Variants in MGAM2 observed in about 807,000 individuals in gnomAD.
The protein encoded by MGAM2 is probable maltase-glucoamylase 2.
MGAM2 carries 98 observed loss-of-function variants against 96.1 expected under a neutral mutation model. The ratio of observed to expected loss-of-function variants is 1.02; its 90% CI spans 0.87 to 1.21. The LOEUF (loss-of-function observed/expected upper bound fraction) is 1.21. Ranked by LOEUF, MGAM2 falls within the 50% of genes most tolerant of loss-of-function variation. The probability of loss-of-function intolerance (pLI) is 0.00; values close to 1 mark genes in which losing one functional copy is unlikely to be tolerated. For synonymous variants in MGAM2, 749 were observed against 414.8 expected, an observed-to-expected ratio of 1.81 and a Z score of -9.79; for missense variants, 2,055 against 1,182.4, an observed-to-expected ratio of 1.74 and a Z score of -10.82.
chr7:142,180,347 G>T (rs1312283394), intron 32 of MGAM2, among the ~76,000 whole-genome samples: 1 of 152,028 alleles, frequency 6.6e-6, no homozygotes. Flanking sequence ...TCTCAATTTT[G>T]TTTAGCTCTG....
At chr7:142,183,998 A>G (rs549707061) in intron 33 of MGAM2, among the ~76,000 whole-genome samples, 3 of 78,392 alleles carry the variant, frequency 3.8e-5, no homozygotes, top group African/African-American at 1.4e-4. Context: ...TTTGAGATGG[A>G]GTGTCACTCT....
intron 35 of MGAM2, among the ~76,000 whole-genome samples, chr7:142,186,995 T>TG (rs1796721649): frequency 1.3e-5 from 2 of 151,938 alleles, no homozygotes; most frequent in Non-Finnish European, 2.9e-5. Context: ...AAGCTGTAGC[T>TG]GGGTAATTCA....
intron 1 of MGAM2, among the ~76,000 whole-genome samples, chr7:142,114,198 GA>G (rs1181425773): frequency 7.2e-6 from 1 of 138,726 alleles, no homozygotes; most frequent in East Asian, 2.1e-4. Context: ...AAGAAAGAAA[GA>G]AAGAAAGAAA....
At chr7:142,198,115 T>A (rs759467389) in intron 42 of MGAM2, 24 bp from the exon 43 acceptor site, 1 of 700,368 alleles carries the variant, frequency 1.4e-6, no homozygotes, top group East Asian at 2.7e-5. Flanking sequence ...ATATTCATAA[T>A]GACATGTCAA....
intron 15 of MGAM2, among the ~76,000 whole-genome samples, chr7:142,153,389 C>T (rs571698633): frequency 6.6e-6 from 1 of 152,270 alleles, no homozygotes; most frequent in Non-Finnish European, 1.5e-5. Flanking sequence ...TTGTTTTTAA[C>T]TTTATAGAAA....
chr7:142,177,786 T>C (rs1254310720), intron 32 of MGAM2, among the ~76,000 whole-genome samples: 1 of 152,224 alleles, frequency 6.6e-6, no homozygotes, highest in Non-Finnish European at 1.5e-5. Context: ...GGCTCCTGGG[T>C]TGACTTCACA....
chr7:142,219,203 C>G (rs1175098140), intron 47 of MGAM2, among the ~76,000 whole-genome samples: 1 of 151,978 alleles, frequency 6.6e-6, no homozygotes, highest in African/African-American at 2.4e-5. Flanking sequence ...AACCAGCAAC[C>G]CAAAAGGGAT....
intron 15 of MGAM2, among the ~76,000 whole-genome samples, chr7:142,152,250 A>G (rs751031647): frequency 1.6e-4 from 24 of 151,710 alleles, no homozygotes; most frequent in Non-Finnish European, 3.1e-4. Context: ...CTGGAACCAC[A>G]GATATCTTCA....
At chr7:142,153,278 G>T (rs920087402) in intron 15 of MGAM2, among the ~76,000 whole-genome samples, 1 of 152,122 alleles carries the variant, frequency 6.6e-6, no homozygotes, top group Non-Finnish European at 1.5e-5. Context: ...GGGATTATAG[G>T]CGTGAGCCAC....
chr7:142,168,362 C>T (rs545969863), intron 26 of MGAM2, among the ~76,000 whole-genome samples: 43 of 151,870 alleles, frequency 2.8e-4, no homozygotes, highest in Non-Finnish European at 2.9e-4. Flanking sequence ...CTCTGCCTCC[C>T]GAGTTCAAGC....
intron 7 of MGAM2, 120 bp from the exon 8 acceptor site, chr7:142,136,421 G>T: frequency 2.2e-6 from 1 of 452,804 alleles, no homozygotes; most frequent in Non-Finnish European, 3.9e-6. Context: ...TTGATACAAT[G>T]TTAAACTACA....
rs1797910306 is a variant in MGAM2 at position 142,221,013 on chromosome 7, A to G, written c.6502A>G (p.Ser2168Gly). Reference sequence around the variant, plus strand: ...TAATATAACTGCTACCTCTCATACAAGTACTGATGATACTGTTCCTAATAA... The same window carrying G: ...TAATATAACTGCTACCTCTCATACAGGTACTGATGATACTGTTCCTAATAA... ...VANITATSHTSTDDTVPNNTV... is the reference protein window; with the variant it reads ...VANITATSHTGTDDTVPNNTV... The change falls in exon 48 of 48, where the codon AGT becomes GGT. Residue 2168 changes from serine to glycine, a missense_variant. Physicochemically the swap from Ser to Gly is moderately conservative, Grantham distance 56. Transcript: ENST00000477922. The G allele has an allele frequency of 1.4e-6, 1 of 702,272 alleles. No homozygotes were observed. Among genetic ancestry groups the G allele is most frequent in the African/African-American group, 1.7e-5 (1 of 57,182 alleles). The allele number at this position is 702,272 out of a possible 1,614,324, so 43.5% of individuals were successfully genotyped here.
intron 46 of MGAM2, among the ~76,000 whole-genome samples, chr7:142,214,372 C>G (rs1292491434): frequency 2.0e-5 from 3 of 152,164 alleles, no homozygotes; most frequent in African/African-American, 7.2e-5. Context: ...CAAATTATCT[C>G]TATTTGCAGA....
intron 7 of MGAM2, among the ~76,000 whole-genome samples, chr7:142,134,427 C>G (rs2129078479): frequency 6.6e-6 from 1 of 152,114 alleles, no homozygotes; most frequent in South Asian, 2.1e-4. Flanking sequence ...TATATTAGAA[C>G]CTAGTATATA....
intron 45 of MGAM2, among the ~76,000 whole-genome samples, chr7:142,202,371 A>T (rs1417274941): frequency 6.6e-6 from 1 of 152,132 alleles, no homozygotes; most frequent in Non-Finnish European, 1.5e-5. Flanking sequence ...TGTTGCATGG[A>T]TGTATTGTAT....
chr7:142,174,733 T>TTTTTTTTTTTTTTTTA lies in MGAM2; in HGVS notation c.3688-919_3688-918insTTTTTTTTTTTTTTTA, dbSNP rs1554509447. On this transcript the variant is annotated intron_variant, in intron 31 of 47. Transcript: ENST00000477922. ...TCTCTCTCTTTTTTTTTTTTTTTTT[T>TTTTTTTTTTTTTTTTA]GAGTTGGAGTCTCCCTCTGCTGCCC... Among the ~76,000 whole-genome samples the TTTTTTTTTTTTTTTTA allele has an allele frequency of 1.4e-5, 2 of 143,624 alleles. 1 individual carries two copies. Among genetic ancestry groups the TTTTTTTTTTTTTTTTA allele is most frequent in the Non-Finnish European group, 3.0e-5 (2 of 66,334 alleles). The allele number at this position is 143,624 out of a possible 152,430, so 94.2% of individuals were successfully genotyped here.
intron 46 of MGAM2, among the ~76,000 whole-genome samples, chr7:142,214,235 T>C (rs1361535145): frequency 6.6e-6 from 1 of 152,216 alleles, no homozygotes; most frequent in Non-Finnish European, 1.5e-5. Context: ...GCTTTCCCTT[T>C]GAAAACCGGC....
In MGAM2 at chr7:142,114,741, AG is replaced by A. The variant is rs1470942585; in HGVS notation, c.1-2128del. Among the ~76,000 whole-genome samples the A allele has an allele frequency of 4.6e-5, 7 of 152,276 alleles. No homozygotes were observed. In the East Asian group the frequency reaches 1.2e-3, roughly 25 times the overall value. ...GGAAAAACTGTTTCATTGAGAATAG[AG>A]GGGGAAAAATAAGAATTTACCTAGA... On this transcript the variant is annotated intron_variant, in intron 1 of 47. Coordinates refer to ENST00000477922, the MANE Select transcript of MGAM2 (RefSeq NM_001293626.2).
chr7:142,126,251 A>G (rs891634468), intron 3 of MGAM2, among the ~76,000 whole-genome samples: 3 of 152,072 alleles, frequency 2.0e-5, no homozygotes, highest in Admixed American at 2.0e-4. Context: ...CTTTTAATAT[A>G]TGAACGAATT....
Sources: gnomAD v4.1 joint callset for allele counts (sites outside exome capture counted in the v4.1 genomes callset) on GRCh38, gnomAD v4.1.1 for gene constraint, MANE v1.5 for transcripts, NCBI Gene and HGNC (gene_info 2026-07-23, HGNC 2026-07-21) for gene names.